CSMD2: variants seen among roughly 807,000 people sequenced by gnomAD.
CSMD2 encodes CUB and sushi domain-containing protein 2.
Under a neutral mutation model 398.5 loss-of-function variants are expected in CSMD2, and 130 were observed. The ratio of observed to expected loss-of-function variants is 0.33; its 90% confidence interval spans 0.28 to 0.38. The LOEUF (loss-of-function observed/expected upper bound fraction) is 0.38, where lower values mean the gene tolerates loss of function less well. CSMD2 is among the 10% of genes least tolerant of loss of function. CSMD2 has a pLI of 1.00. For missense variants in CSMD2, 3,829 were observed against 4,764.9 expected (o/e 0.80, Z 5.78); for synonymous variants, 1,828 against 1,908.5 (o/e 0.96, Z 1.10).
At chr1:34,083,254 T>C (rs1044322061) in intron 2 of CSMD2, among the ~76,000 whole-genome samples, 2 of 152,296 alleles carry the variant, frequency 1.3e-5, no homozygotes, top group African/African-American at 4.8e-5. Context: ...ACTCATCTGA[T>C]AGAACCAGAG....
chr1:34,087,551 G>A (rs1405657088), intron 2 of CSMD2, among the ~76,000 whole-genome samples: 3 of 150,690 alleles, frequency 2.0e-5, no homozygotes, highest in African/African-American at 7.3e-5. Context: ...AAACCACCAC[G>A]GCACATGTAT....
chr1:33,569,487 A>T lies in CSMD2; in HGVS notation c.8018T>A (p.Val2673Asp). Residue 2673 changes from valine (V) to aspartate (D), a missense_variant, in exon 52 of 71, where the codon GTC (valine) becomes GAC (aspartate). Physicochemically the swap from Val to Asp is radical, Grantham distance 152. Transcript: ENST00000373381. The stretch of plus-strand genomic sequence containing the variant: ...GGAGAAGATGGCTGTTGCCCCGTAG[A>T]CAGACAGTGTTCCGATGCGGTGGCC... ...PNGHRIGTLSVYGATAIFSCN... is the reference protein window; with the variant it reads ...PNGHRIGTLSDYGATAIFSCN... 6.2e-7 allele frequency: 1 copy of T among 1,614,180 alleles called. No individual in the cohort carries two copies. Among genetic ancestry groups the T allele is most frequent in the Non-Finnish European group, 8.5e-7 (1 of 1,180,024 alleles).
intron 2 of CSMD2, among the ~76,000 whole-genome samples, chr1:34,059,314 A>T (rs1654203936): frequency 1.3e-5 from 2 of 152,102 alleles, no homozygotes; most frequent in African/African-American, 4.8e-5. Context: ...TCTGTGCCTC[A>T]AAAGGCCACC....
chr1:33,529,024 A>C (rs1011929691), intron 64 of CSMD2, among the ~76,000 whole-genome samples: 1 of 152,268 alleles, frequency 6.6e-6, no homozygotes, highest in Non-Finnish European at 1.5e-5. Flanking sequence ...GAAATTGACA[A>C]GCCAATCTTA....
chr1:33,717,531 C>T (rs547963052), intron 19 of CSMD2, among the ~76,000 whole-genome samples: 43 of 151,768 alleles, frequency 2.8e-4, no homozygotes, highest in South Asian at 2.1e-3. Flanking sequence ...GGGAAGGGCA[C>T]GCAGGAGGAA....
At chr1:33,716,974 G>A (rs764304752) in intron 19 of CSMD2, among the ~76,000 whole-genome samples, 2 of 152,134 alleles carry the variant, frequency 1.3e-5, no homozygotes, top group Non-Finnish European at 2.9e-5. Context: ...CATGGGGGCC[G>A]GAACAGAAAG....
chr1:33,673,337 G>A (rs955882888), intron 25 of CSMD2, among the ~76,000 whole-genome samples: 3 of 152,190 alleles, frequency 2.0e-5, no homozygotes, highest in African/African-American at 4.8e-5. Flanking sequence ...TAGCTGATGC[G>A]TTCAACTGTA....
At chr1:34,045,465 C>A (rs1652412078) in intron 2 of CSMD2, among the ~76,000 whole-genome samples, 1 of 152,308 alleles carries the variant, frequency 6.6e-6, no homozygotes, top group Non-Finnish European at 1.5e-5. Flanking sequence ...GCTGAAAAAA[C>A]CCAACTTATG....
intron 3 of CSMD2, among the ~76,000 whole-genome samples, chr1:33,936,389 C>G (rs910883566): frequency 3.9e-5 from 6 of 152,220 alleles, no homozygotes; most frequent in Non-Finnish European, 8.8e-5. Flanking sequence ...CTCATTAAAT[C>G]CAGTGTCCTT....
intron 48 of CSMD2, among the ~76,000 whole-genome samples, chr1:33,579,736 T>G (rs923442610): frequency 6.6e-6 from 1 of 151,806 alleles, no homozygotes; most frequent in Non-Finnish European, 1.5e-5. Context: ...TGGAGTGCAG[T>G]AGCGTGATCT....
intron 1 of CSMD2, among the ~76,000 whole-genome samples, chr1:34,101,907 G>T (rs1374374507): frequency 6.6e-6 from 1 of 151,928 alleles, no homozygotes; most frequent in Non-Finnish European, 1.5e-5. Context: ...TATTTTTCTT[G>T]TTAATTTGTA....
At chr1:34,154,933 G>T (rs1640668403) in intron 1 of CSMD2, among the ~76,000 whole-genome samples, 1 of 152,098 alleles carries the variant, frequency 6.6e-6, no homozygotes, top group Non-Finnish European at 1.5e-5. Context: ...TTGCCATTTT[G>T]ATCAGGCTGG....
intron 47 of CSMD2, 117 bp downstream of exon 47, chr1:33,583,525 C>T: frequency 2.0e-6 from 2 of 1,013,384 alleles, no homozygotes; most frequent in Middle Eastern, 2.2e-4. Context: ...TAGGGAAGGA[C>T]ATCCTGTGGA....
intron 5 of CSMD2, among the ~76,000 whole-genome samples, chr1:33,874,060 G>A (rs1298527865): frequency 6.6e-6 from 1 of 152,188 alleles, no homozygotes; most frequent in East Asian, 1.9e-4. Flanking sequence ...AATAGCTTAT[G>A]TAAGTTCATA....
chr1:33,949,477 G>A (rs748491080), intron 3 of CSMD2, among the ~76,000 whole-genome samples: 4 of 152,154 alleles, frequency 2.6e-5, no homozygotes, highest in South Asian at 2.1e-4. Context: ...AAGACCTCCC[G>A]TACAGCCTAA....
At chr1:33,564,896 T>C (rs909815400) in intron 53 of CSMD2, among the ~76,000 whole-genome samples, 4 of 152,146 alleles carry the variant, frequency 2.6e-5, no homozygotes, top group African/African-American at 9.7e-5. Context: ...TTAGGGAAAT[T>C]TAAAAAGTGA....
intron 2 of CSMD2, among the ~76,000 whole-genome samples, chr1:34,041,964 T>C (rs543634757): frequency 6.6e-6 from 1 of 152,208 alleles, no homozygotes; most frequent in African/African-American, 2.4e-5. Flanking sequence ...AGGTCTCAGA[T>C]GCTGATCCTC....
In CSMD2 at chr1:33,577,366, G is replaced by A. The variant is rs772162586; in HGVS notation, c.7506C>T (p.His2502=). 2.5e-6 allele frequency: 4 copies of A among 1,614,172 alleles called. No homozygotes were observed. The highest frequency in any genetic ancestry group is 2.2e-5 in the South Asian group (2 of 91,078). The part of the protein sequence containing the change: ...GCNAGYRLVG[H]SMAICTRHPQ... ...GGTGCCGGGTACAGATGGCCATGCT[G>A]TGTCCCACCAGGCGGTAGCCGGCGT... The change falls in exon 49 of 71, where the codon CAC becomes CAT. Residue 2502 remains histidine, a synonymous_variant. Transcript: ENST00000373381.
intron 12 of CSMD2, among the ~76,000 whole-genome samples, chr1:33,781,257 T>G (rs1254817967): frequency 6.6e-6 from 1 of 152,230 alleles, no homozygotes; most frequent in Non-Finnish European, 1.5e-5. Context: ...TGACAAACTC[T>G]TTTTCATCCT....
Sources: allele counts gnomAD v4.1 joint callset (sites outside exome capture counted in the v4.1 genomes callset), GRCh38; gene constraint gnomAD v4.1.1; transcripts MANE v1.5; gene names NCBI Gene and HGNC (gene_info 2026-07-23, HGNC 2026-07-21).